The following KSR2 variants were observed in gnomAD, a reference collection of about 807,000 sequenced individuals.
KSR2 encodes the protein kinase suppressor of ras 2.
A neutral mutation model predicts 107.8 loss-of-function variants in KSR2; 25 were observed. That is an observed-to-expected ratio of 0.23 (90% CI 0.17 to 0.32). The LOEUF (loss-of-function observed/expected upper bound fraction) is 0.32. KSR2 is among the 10% of genes least tolerant of loss of function. KSR2 has a pLI of 1.00. For missense variants in KSR2, 887 were observed against 1,268.9 expected, an observed-to-expected ratio of 0.70 and a Z score of 4.57; for synonymous variants, 480 against 507.0, an observed-to-expected ratio of 0.95 and a Z score of 0.71.
intron 1 of KSR2, among the ~76,000 whole-genome samples, chr12:117,952,849 G>T (rs1342604310): frequency 1.3e-5 from 2 of 152,032 alleles, no homozygotes; most frequent in Non-Finnish European, 2.9e-5. Context: ...GCTGGGCGTG[G>T]TGGCGCACAC....
rs528911342 is a variant in KSR2, at chr12:117,472,361, C to T, written c.2583-1041G>A. ...TGGGCCAGGTGGTGCATAAATGATG[C>T]TGTGAAGTGTGAATAGCAGTGAGGA... On this transcript the variant is annotated intron_variant, in intron 17 of 19. Transcript: ENST00000339824. Among the ~76,000 whole-genome samples, 6 of 152,224 alleles carry T rather than the reference C, an allele frequency of 3.9e-5. No homozygotes were observed. The South Asian group carries it at 1.2e-3, about 32-fold the overall frequency.
intron 3 of KSR2, among the ~76,000 whole-genome samples, chr12:117,779,049 C>T (rs1476039246): frequency 7.2e-5 from 11 of 152,108 alleles, no homozygotes; most frequent in African/African-American, 9.7e-5. Context: ...GCACCTGCCC[C>T]GGTTTCCCTC....
At position 117,731,938 on chromosome 12, in the gene KSR2, C is replaced by T. The variant is rs568072766; in HGVS notation, c.986+29073G>A. ...CCTGTGCCTAGGAAAACTAGAGACC[C>T]TTGTTCACATGTTTATCTGCTGACC... On this transcript the variant is annotated intron_variant, in intron 4 of 19. Transcript: ENST00000339824. Among the ~76,000 whole-genome samples the T allele has an allele frequency of 8.6e-3, 1,231 of 142,996 alleles. 34 individuals carry two copies. Among genetic ancestry groups the T allele is most frequent in the African/African-American group, 0.024 (972 of 39,694 alleles). The allele number at this position is 142,996 out of a possible 152,430, so 93.8% of individuals were successfully genotyped here.
intron 9 of KSR2, among the ~76,000 whole-genome samples, chr12:117,546,402 G>A (rs925477154): frequency 1.3e-5 from 2 of 152,160 alleles, no homozygotes; most frequent in African/African-American, 4.8e-5. Context: ...GCTTTTGTCT[G>A]TCTTCAGTTT....
At chr12:117,666,297 C>CT (rs1393100721) in intron 5 of KSR2, among the ~76,000 whole-genome samples, 1 of 152,172 alleles carries the variant, frequency 6.6e-6, no homozygotes, top group Non-Finnish European at 1.5e-5. Context: ...ATGTACCTGC[C>CT]TTTTTTTCCA....
In KSR2 at chr12:117,870,638, T is replaced by C. The variant is rs185647544; in HGVS notation, c.181-10207A>G. On this transcript the variant is annotated intron_variant, in intron 1 of 19. Transcript: ENST00000339824. ...AAAGAAAAAAAAATTATCTGTGCAG[T>C]AGATACCCCATACACTCATGTCCTA... Among the ~76,000 whole-genome samples, 350 of 152,078 alleles carry C rather than the reference T, an allele frequency of 2.3e-3. 1 individual carries two copies. Among genetic ancestry groups the C allele is most frequent in the Admixed American group, 5.8e-3 (88 of 15,254 alleles).
At chr12:117,797,652 ATT>A (rs56721207) in intron 3 of KSR2, among the ~76,000 whole-genome samples, 89,032 of 148,624 alleles carry the variant, frequency 0.6, 28,641 homozygotes, top group African/African-American at 0.85. Flanking sequence ...TTTCACCTCA[ATT>A]TTTTTTTTTT....
intron 3 of KSR2, among the ~76,000 whole-genome samples, chr12:117,812,858 A>G (rs554305227): frequency 8.6e-5 from 13 of 151,500 alleles, no homozygotes; most frequent in African/African-American, 2.9e-4. Context: ...AAAAAAAAAA[A>G]ATCATCCTGA....
At chr12:117,815,671 G>C (rs888579801) in intron 3 of KSR2, among the ~76,000 whole-genome samples, 2 of 152,218 alleles carry the variant, frequency 1.3e-5, no homozygotes, top group South Asian at 4.1e-4. Context: ...GGTGGGAAGG[G>C]TATAGAAAGT....
At position 117,761,445 on chromosome 12, in the gene KSR2, G is replaced by A; in HGVS notation, c.552C>T (p.Pro184=). 1 of 1,613,014 alleles carries A rather than the reference G, an allele frequency of 6.2e-7. No homozygotes were observed. Among genetic ancestry groups the A allele is most frequent in the South Asian group, 1.1e-5 (1 of 91,060 alleles). The change falls in exon 4 of 20, where the codon CCC becomes CCT. Residue 184 remains proline (P), a synonymous_variant. Coordinates refer to ENST00000339824, the MANE Select transcript of KSR2 (RefSeq NM_173598.6). ...ETGKENNPVC[P]PEPTPWIRTH... is the part of the protein sequence containing the mutation. ...TGCGGATCCACGGGGTGGGCTCCGG[G>A]GGGCACACGGGATTGTTCTCCTTCC...
At chr12:117,588,997 TAC>T (rs1204635563) in intron 5 of KSR2, among the ~76,000 whole-genome samples, 1 of 152,226 alleles carries the variant, frequency 6.6e-6, no homozygotes, top group Non-Finnish European at 1.5e-5. Flanking sequence ...ATCCATAGTT[TAC>T]AGATAAGGAA....
chr12:117,469,076 C>T (rs1188962394), intron 19 of KSR2, among the ~76,000 whole-genome samples: 2 of 152,152 alleles, frequency 1.3e-5, no homozygotes, highest in Non-Finnish European at 2.9e-5. Flanking sequence ...AGAGAGGTCC[C>T]AGAAAGAGAT....
At chr12:117,837,235 G>A (rs75158841) in intron 3 of KSR2, among the ~76,000 whole-genome samples, 2,730 of 152,292 alleles carry the variant, frequency 0.018, 46 homozygotes, top group Middle Eastern at 0.051. Context: ...AATTAAGCCA[G>A]CATTAGTCCC....
intron 4 of KSR2, among the ~76,000 whole-genome samples, chr12:117,675,545 G>A (rs994966577): frequency 5.3e-5 from 8 of 152,178 alleles, no homozygotes; most frequent in Admixed American, 4.6e-4. Context: ...AAACTGAATC[G>A]ATACCCTTTT....
At chr12:117,704,359 A>G (rs1393731629) in intron 4 of KSR2, among the ~76,000 whole-genome samples, 1 of 152,086 alleles carries the variant, frequency 6.6e-6, no homozygotes, top group Non-Finnish European at 1.5e-5. Context: ...AGAAAATCCA[A>G]TTGCTACTGA....
At chr12:117,489,313 C>T (rs944941714) in intron 14 of KSR2, among the ~76,000 whole-genome samples, 11 of 152,000 alleles carry the variant, frequency 7.2e-5, no homozygotes, top group African/African-American at 1.2e-4. Context: ...TTTGAAGGTA[C>T]GTTATCCTTC....
chr12:117,514,544 C>CTCTCTCT (rs763553867), intron 14 of KSR2, among the ~76,000 whole-genome samples: 1 of 130,088 alleles, frequency 7.7e-6, no homozygotes, highest in Admixed American at 7.7e-5. Context: ...CTCTCTCTCT[C>CTCTCTCT]TTTTTTTTTT....
chr12:117,883,920 CAG>C (rs1894100944), intron 1 of KSR2, among the ~76,000 whole-genome samples: 1 of 148,996 alleles, frequency 6.7e-6, no homozygotes, highest in African/African-American at 2.5e-5. Flanking sequence ...GAAGCAGAGA[CAG>C]GGGCTGGGTC....
At chr12:117,527,288 CACACACACACACAG>C (rs71099058) in intron 12 of KSR2, among the ~76,000 whole-genome samples, 169 bp from the exon 13 acceptor site, 38,244 of 143,192 alleles carry the variant, frequency 0.27, 5,246 homozygotes, top group South Asian at 0.36. Context: ...TCGACACACA[CACACACACACACAG>C]ACACACACAC....
Sources: allele counts gnomAD v4.1 joint callset (sites outside exome capture counted in the v4.1 genomes callset), GRCh38; gene constraint gnomAD v4.1.1; transcripts MANE v1.5; gene names NCBI Gene and HGNC (gene_info 2026-07-23, HGNC 2026-07-21).